The following SCIN variants were observed in gnomAD, a reference collection of about 807,000 sequenced individuals.
SCIN encodes adseverin.
Under a neutral mutation model 91.8 loss-of-function variants are expected in SCIN, and 91 were observed. The observed-to-expected ratio is 0.99, with a 90% CI of 0.84 to 1.18. The LOEUF (loss-of-function observed/expected upper bound fraction) is 1.18. Ranked by LOEUF, SCIN falls within the 50% of genes most tolerant of loss-of-function variation. SCIN has a pLI of 0.00. For synonymous variants in SCIN, 367 were observed against 312.6 expected (o/e 1.17, Z -1.84); for missense variants, 1,087 against 863.9 (o/e 1.26, Z -3.24).
At chr7:12,618,471 C>T (rs974575107) in intron 4 of SCIN, among the ~76,000 whole-genome samples, 3 of 152,118 alleles carry the variant, frequency 2.0e-5, no homozygotes, top group African/African-American at 7.2e-5. Context: ...TATATGAAAT[C>T]ACCCTCTATT....
Position 12,644,226 on chromosome 7 carries a change from G to C in SCIN, c.1670G>C (p.Gly557Ala), listed in dbSNP as rs764721804. 1 of 1,610,500 alleles carries C rather than the reference G, an allele frequency of 6.2e-7. No individual in the cohort carries two copies. The highest frequency in any genetic ancestry group is 8.5e-7 in the Non-Finnish European group (1 of 1,178,272). The change falls in exon 12 of 16, where the codon GGT (glycine) becomes GCT (alanine). Residue 557 changes from glycine (G) to alanine (A), a missense_variant. Physicochemically the swap from Gly to Ala is moderately conservative, Grantham distance 60. Coordinates refer to ENST00000297029, the MANE Select transcript of SCIN (RefSeq NM_001112706.3). ...QNSGYIWVGK[G>A]ASQEEEKGAE... ...AGTGGCTACATCTGGGTAGGAAAAG[G>C]TGCTAGCCAGGAGGAGGAGAAAGGA...
chr7:12,591,000 G>C (rs974686927), intron 3 of SCIN, among the ~76,000 whole-genome samples: 3 of 152,100 alleles, frequency 2.0e-5, no homozygotes, highest in Non-Finnish European at 2.9e-5. Context: ...CAATTACTTG[G>C]TCAAGGGAAA....
intron 4 of SCIN, among the ~76,000 whole-genome samples, chr7:12,609,875 T>TA (rs5882368): frequency 0.93 from 139,962 of 150,418 alleles, 65,172 homozygotes; most frequent in East Asian, 1. Flanking sequence ...ATTTTTGACC[T>TA]AAAAAAAAAG....
rs773336959 is a variant in SCIN, at chr7:12,581,231, A to C, written c.516+10A>C. 3.2e-6 allele frequency: 5 copies of C among 1,550,156 alleles called. No homozygotes were observed. The South Asian group carries it at 6.0e-5, about 18-fold the overall frequency. On this transcript the variant is annotated intron_variant, in intron 3 of 15. Coordinates refer to ENST00000297029, the MANE Select transcript of SCIN (RefSeq NM_001112706.3). ...CATTGACCTTGGCACCGTAAGTTTC[A>C]TATATACACATCGATGTCTAAAGAA...
At chr7:12,576,250 C>G (rs1562592494) in intron 1 of SCIN, among the ~76,000 whole-genome samples, 1 of 152,078 alleles carries the variant, frequency 6.6e-6, no homozygotes. Flanking sequence ...AGAATGACAC[C>G]AGAGTCCTTT....
intron 3 of SCIN, among the ~76,000 whole-genome samples, 164 bp from the exon 4 acceptor site, chr7:12,604,350 C>T (rs1458878651): frequency 2.6e-5 from 4 of 152,218 alleles, no homozygotes; most frequent in Non-Finnish European, 5.9e-5. Flanking sequence ...GTAATGCTAA[C>T]TGAAAGCAGC....
At chr7:12,608,690 G>A (rs1328337924) in intron 4 of SCIN, among the ~76,000 whole-genome samples, 1 of 152,084 alleles carries the variant, frequency 6.6e-6, no homozygotes, top group Admixed American at 6.6e-5. Flanking sequence ...TGTTGGCCAG[G>A]CTGGTCTCAA....
intron 8 of SCIN, among the ~76,000 whole-genome samples, chr7:12,628,744 G>A (rs1783582038): frequency 6.6e-6 from 1 of 151,906 alleles, no homozygotes; most frequent in African/African-American, 2.4e-5. Flanking sequence ...TTTCATAATT[G>A]AAGAAAAAAA....
chr7:12,605,673 G>A (rs1783067984), intron 4 of SCIN, among the ~76,000 whole-genome samples: 1 of 152,126 alleles, frequency 6.6e-6, no homozygotes, highest in Non-Finnish European at 1.5e-5. Context: ...CATAACATCA[G>A]GACTCAAAGT....
At chr7:12,619,169 G>A (rs1783356417) in intron 4 of SCIN, among the ~76,000 whole-genome samples, 1 of 152,064 alleles carries the variant, frequency 6.6e-6, no homozygotes, top group Admixed American at 6.6e-5. Flanking sequence ...TTCATCCACA[G>A]TGATATGTAG....
chr7:12,625,841 G>A lies in SCIN; in HGVS notation c.972G>A (p.Lys324=), dbSNP rs1219499924. ...EEFLQQMNYS[K]NTQIQVLPEG... ...TTCTACAGCAAATGAATTATTCCAA[G>A]AATACCCAAGTATGTGTGAAACTGA... is the stretch of plus-strand genomic sequence containing the variant. Residue 324 remains lysine (K), a synonymous_variant, in exon 7 of 16, where the codon AAG becomes AAA. Coordinates refer to ENST00000297029, the MANE Select transcript of SCIN (RefSeq NM_001112706.3). 1 of 1,606,440 alleles carries A rather than the reference G, an allele frequency of 6.2e-7. No homozygotes were observed. The highest frequency in any genetic ancestry group is 2.2e-5 in the East Asian group (1 of 44,660).
At chr7:12,588,206 A>G (rs1469204709) in intron 3 of SCIN, among the ~76,000 whole-genome samples, 5 of 152,178 alleles carry the variant, frequency 3.3e-5, no homozygotes. Flanking sequence ...CAAATCTTAG[A>G]TCTCTAAAAT....
chr7:12,622,192 T>G (rs1197614858), intron 4 of SCIN, among the ~76,000 whole-genome samples: 1 of 152,058 alleles, frequency 6.6e-6, no homozygotes. Flanking sequence ...TTGGATTGCA[T>G]CACATATGCA....
rs970946861 is a variant in SCIN at position 12,653,271 on chromosome 7, C to A, written c.*556C>A. ...AGCTCTTATGGAAACTGATTTATATCTTTTTTATGACCTTTCAAAAGTAAA... is the reference window on the plus strand; with the variant it reads ...AGCTCTTATGGAAACTGATTTATATATTTTTTATGACCTTTCAAAAGTAAA... On this transcript the variant is annotated 3_prime_UTR_variant, in exon 16 of 16. Transcript: ENST00000297029. This position sits in a 1 kb window ranked among gnomAD's most constrained non-coding sequence, Gnocchi z 4.1. 6.6e-6 allele frequency: 1 copy of A among 152,030 alleles called. No individual in the cohort carries two copies. Among genetic ancestry groups the A allele is most frequent in the African/African-American group, 2.4e-5 (1 of 41,384 alleles). 9.4% of individuals were successfully genotyped at this position (152,030 alleles called of 1,614,324 possible).
At chr7:12,593,146 A>C (rs1379041149) in intron 3 of SCIN, among the ~76,000 whole-genome samples, 1 of 152,230 alleles carries the variant, frequency 6.6e-6, no homozygotes, top group Non-Finnish European at 1.5e-5. Flanking sequence ...GGGTGGGGAC[A>C]TGGCCCCGTC....
intron 4 of SCIN, among the ~76,000 whole-genome samples, chr7:12,610,250 C>G (rs1783164059): frequency 6.6e-6 from 1 of 152,186 alleles, no homozygotes. Flanking sequence ...TTCAGCCATT[C>G]TCTTGGAAAG....
At chr7:12,605,197 G>T (rs931754568) in intron 4 of SCIN, among the ~76,000 whole-genome samples, 1 of 151,940 alleles carries the variant, frequency 6.6e-6, no homozygotes, top group Non-Finnish European at 1.5e-5. Context: ...GACTACAGGC[G>T]CCCACCACCA....
chr7:12,577,025 A>T (rs114260770), intron 1 of SCIN, among the ~76,000 whole-genome samples: 42 of 152,302 alleles, frequency 2.8e-4, no homozygotes, highest in African/African-American at 9.6e-4. Flanking sequence ...TATGTACACT[A>T]CAGACACTGG....
intron 1 of SCIN, 37 bp downstream of exon 1, chr7:12,571,022 A>C (rs1034138629): frequency 1.3e-6 from 2 of 1,530,810 alleles, no homozygotes; most frequent in African/African-American, 2.8e-5. Flanking sequence ...CGACGCACCA[A>C]GGCCGGCGAG....
Sources: allele counts gnomAD v4.1 joint callset (sites outside exome capture counted in the v4.1 genomes callset), GRCh38; gene constraint gnomAD v4.1.1; non-coding constraint Gnocchi (gnomAD v3.1); transcripts MANE v1.5; gene names NCBI Gene and HGNC (gene_info 2026-07-23, HGNC 2026-07-21).